Variants in TBC1D2B observed in about 807,000 individuals in gnomAD.
TBC1D2B encodes TBC1 domain family member 2B.
A neutral mutation model predicts 100.8 loss-of-function variants in TBC1D2B; 64 were observed. The observed-to-expected ratio is 0.64, with a 90% confidence interval of 0.52 to 0.78. The LOEUF (loss-of-function observed/expected upper bound fraction) is 0.78. Ranked by LOEUF, TBC1D2B falls within the 30% of genes least tolerant of loss-of-function variation. TBC1D2B has a pLI of 0.00. For missense variants in TBC1D2B, 1,052 were observed against 1,218.4 expected (o/e 0.86, Z 2.03); for synonymous variants, 480 against 479.7 (o/e 1.00, Z -0.01).
At chr15:78,047,162 A>ACTTT (rs2073214229) in intron 2 of TBC1D2B, among the ~76,000 whole-genome samples, 1 of 145,462 alleles carries the variant, frequency 6.9e-6, no homozygotes, top group Non-Finnish European at 1.5e-5. Flanking sequence ...CAGAGTATAC[A>ACTTT]CTTTTTTTTT....
Position 77,996,436 on chromosome 15 carries a change from G to GAT in TBC1D2B, c.*1723_*1724insAT, listed in dbSNP as rs1555416270. ...CACGATGGGCTGAGGGGTGGGGGGG[G>GAT]TTCCAACACTTGATTCGAGCAGACT... On this transcript the variant is annotated 3_prime_UTR_variant, in exon 13 of 13. Transcript: ENST00000300584. The GAT allele has an allele frequency of 6.7e-6, 1 of 150,256 alleles. No individual in the cohort carries two copies. Among genetic ancestry groups the GAT allele is most frequent in the Non-Finnish European group, 1.5e-5 (1 of 67,296 alleles). The allele number at this position is 150,256 out of a possible 1,614,324, so 9.3% of individuals were successfully genotyped here. A position where few individuals can be genotyped will look rare whatever the true frequency, so the allele number is the denominator to read the frequency against.
rs116673968 is a variant in TBC1D2B at position 78,035,951 on chromosome 15, C to T, written c.684-5781G>A. On this transcript the variant is annotated intron_variant, in intron 3 of 12. Transcript: ENST00000300584. ...GGTGGCCCTACACTCTCCACCACTG[C>T]TGACCCCTCCTGACCCATCTGCTGG... 7.9e-3 allele frequency among the ~76,000 whole-genome samples: 1,205 copies of T among 152,344 alleles called. 19 individuals are homozygous for T. Among genetic ancestry groups the T allele is most frequent in the African/African-American group, 0.027 (1,134 of 41,568 alleles).
At chr15:78,001,544 G>A in intron 12 of TBC1D2B, 75 bp downstream of exon 12, 1 of 1,499,444 alleles carries the variant, frequency 6.7e-7, no homozygotes, top group South Asian at 1.3e-5. Flanking sequence ...AAGACAGCAA[G>A]GACAGGCTGC....
Position 77,998,282 on chromosome 15 carries a change from G to C in TBC1D2B, c.2770C>G (p.His924Asp). The C allele has an allele frequency of 6.2e-7, 1 of 1,605,284 alleles. No individual in the cohort carries two copies. The highest frequency in any genetic ancestry group is 8.5e-7 in the Non-Finnish European group (1 of 1,176,450). ...AGCTCCAGCCGGACTTTCTCCAAGT[G>C]GTAGGCGCGTCGGTTCCGGATCTGG... Reference protein sequence around the residue: ...LRQIRNRRAYHLEKVRLELTE... With the variant: ...LRQIRNRRAYDLEKVRLELTE... Residue 924 changes from histidine to aspartate, a missense_variant, in exon 13 of 13, where the codon CAC becomes GAC. His to Asp is a moderately conservative substitution (Grantham distance 81). Transcript: ENST00000300584.
At chr15:78,001,313 C>T (rs1435693421) in intron 12 of TBC1D2B, among the ~76,000 whole-genome samples, 1 of 152,230 alleles carries the variant, frequency 6.6e-6, no homozygotes, top group African/African-American at 2.4e-5. Flanking sequence ...CCTCAGTGCC[C>T]AGCACAGACC....
intron 1 of TBC1D2B, chr15:78,066,017 A>C: frequency 2.1e-6 from 1 of 471,016 alleles, no homozygotes; most frequent in Non-Finnish European, 4.4e-6. Flanking sequence ...GGGATCTGAA[A>C]GTACTTACCA....
chr15:78,052,280 T>A (rs549787859), intron 2 of TBC1D2B, among the ~76,000 whole-genome samples: 1 of 152,300 alleles, frequency 6.6e-6, no homozygotes, highest in East Asian at 1.9e-4. Context: ...AGGCCCTAAC[T>A]GCCAGAAACT....
Position 78,016,620 on chromosome 15 carries a change from C to G in TBC1D2B, c.1701G>C (p.Gln567His). 1 of 1,613,130 alleles carries G rather than the reference C, an allele frequency of 6.2e-7. No homozygotes were observed. Among genetic ancestry groups the G allele is most frequent in the Non-Finnish European group, 8.5e-7 (1 of 1,179,538 alleles). The change falls in exon 8 of 13, where the codon CAG becomes CAC. Residue 567 changes from glutamine to histidine, a missense_variant. Physicochemically the swap from Gln to His is conservative, Grantham distance 24. Coordinates refer to ENST00000300584, the MANE Select transcript of TBC1D2B (RefSeq NM_144572.2). The stretch of plus-strand genomic sequence containing the variant: ...CAACCTGCAGAGCATCCTCCAGCAA[C>G]TGGGCTATGACCTCCCGGGTGGGCC... ...DQGPTREVIA[Q>H]LLEDALQVES...
Position 78,077,563 on chromosome 15 carries a change from C to T in TBC1D2B, c.90G>A (p.Pro30=), listed in dbSNP as rs2141859017. ...QGAAAEPGAG[P]AREPARLCGY... Reference sequence around the variant, plus strand: ...CACACAGCCGCGCTGGCTCCCGCGCCGGACCCGCCCCGGGCTCCGCGGCCG... The same window carrying T: ...CACACAGCCGCGCTGGCTCCCGCGCTGGACCCGCCCCGGGCTCCGCGGCCG... The change falls in exon 1 of 13, where the codon CCG becomes CCA. Residue 30 remains proline, a synonymous_variant. Transcript: ENST00000300584. The T allele has an allele frequency of 6.9e-7, 1 of 1,440,440 alleles. No individual in the cohort carries two copies. The highest frequency in any genetic ancestry group is 9.2e-7 in the Non-Finnish European group (1 of 1,092,754). 89.2% of individuals were successfully genotyped at this position (1,440,440 alleles called of 1,614,324 possible).
rs987166094 is a variant in TBC1D2B, at chr15:78,000,744, T to C, written c.2696+875A>G. Among the ~76,000 whole-genome samples, 6 of 152,328 alleles carry C rather than the reference T, an allele frequency of 3.9e-5. No individual in the cohort carries two copies. In the South Asian group the frequency reaches 6.2e-4, roughly 16 times the overall value. On this transcript the variant is annotated intron_variant, in intron 12 of 12. Coordinates refer to ENST00000300584, the MANE Select transcript of TBC1D2B (RefSeq NM_144572.2). Reference sequence around the variant, plus strand: ...AGTCCAGGGGACATACAGACGAGGATGGCCCAGAACAGGCAATGACTGTGT... The same window carrying C: ...AGTCCAGGGGACATACAGACGAGGACGGCCCAGAACAGGCAATGACTGTGT...
rs770799259 is a variant in TBC1D2B, at chr15:78,003,314, T to C, written c.2565A>G (p.Glu855=). The C allele has an allele frequency of 1.9e-6, 3 of 1,613,446 alleles. No homozygotes were observed. The South Asian group carries it at 3.3e-5, about 18-fold the overall frequency. ...AGCTGAGCTAACTCACCTTTGGTCC[T>C]TCATAAAGGAAAGAGTCCCATATTT... ...LFKIWDSFLY[E]GPKVIFRFAL... The change falls in exon 11 of 13, where the codon GAA becomes GAG. Residue 855 remains glutamate (E), a synonymous_variant. Transcript: ENST00000300584.
At chr15:78,072,807 G>T (rs1057035867) in intron 1 of TBC1D2B, among the ~76,000 whole-genome samples, 1 of 152,132 alleles carries the variant, frequency 6.6e-6, no homozygotes, top group East Asian at 1.9e-4. Flanking sequence ...TTCCAGTAAA[G>T]CTCTGTGAGA....
Position 78,017,900 on chromosome 15 carries a change from G to A in TBC1D2B, c.1528C>T (p.Leu510Phe). 6.2e-7 allele frequency: 1 copy of A among 1,611,672 alleles called. No homozygotes were observed. Among genetic ancestry groups the A allele is most frequent in the Non-Finnish European group, 8.5e-7 (1 of 1,178,914 alleles). Residue 510 changes from leucine to phenylalanine, a missense_variant, in exon 7 of 13, where the codon CTC (leucine) becomes TTC (phenylalanine). Coordinates refer to ENST00000300584, the MANE Select transcript of TBC1D2B (RefSeq NM_144572.2). ...NKFLNKEILELSALRRNAERR... is the reference protein window; with the variant it reads ...NKFLNKEILEFSALRRNAERR... ...TCTGCATTTCTTCGTAGAGCTGAGAGTTCCAAAATCTCCTTATTTAGAAAT... is the reference window on the plus strand; with the variant it reads ...TCTGCATTTCTTCGTAGAGCTGAGAATTCCAAAATCTCCTTATTTAGAAAT...
At chr15:78,049,360 G>A (rs2073264474) in intron 2 of TBC1D2B, among the ~76,000 whole-genome samples, 1 of 152,196 alleles carries the variant, frequency 6.6e-6, no homozygotes, top group South Asian at 2.1e-4. Context: ...TTGGTTAAAT[G>A]ACCAAATTAA....
chr15:78,054,302 A>G, intron 1 of TBC1D2B, 115 bp from the exon 2 acceptor site: 1 of 1,085,150 alleles, frequency 9.2e-7, no homozygotes, highest in East Asian at 3.0e-5. Context: ...TAAGATGAAC[A>G]GATCAAGGAA....
chr15:78,066,870 A>G (rs1567035512), intron 1 of TBC1D2B, among the ~76,000 whole-genome samples: 2 of 152,188 alleles, frequency 1.3e-5, no homozygotes, highest in East Asian at 3.8e-4. Context: ...CCAGGCCTCA[A>G]TCTCTGCCAG....
At chr15:78,062,916 A>G (rs1324674026) in intron 1 of TBC1D2B, among the ~76,000 whole-genome samples, 1 of 152,158 alleles carries the variant, frequency 6.6e-6, no homozygotes, top group Non-Finnish European at 1.5e-5. Flanking sequence ...TTCAAATCCC[A>G]GCTCTGCTAC....
chr15:78,072,091 A>T (rs1025735434), intron 1 of TBC1D2B, among the ~76,000 whole-genome samples: 2 of 152,198 alleles, frequency 1.3e-5, no homozygotes, highest in Non-Finnish European at 2.9e-5. Context: ...CCACCTCTAA[A>T]TATCATCACA....
intron 10 of TBC1D2B, among the ~76,000 whole-genome samples, chr15:78,006,436 G>C (rs1371471975): frequency 6.6e-6 from 1 of 152,202 alleles, no homozygotes; most frequent in Non-Finnish European, 1.5e-5. Flanking sequence ...ATCACAGGGA[G>C]ACCAGATGAG....
Sources: allele counts gnomAD v4.1 joint callset (sites outside exome capture counted in the v4.1 genomes callset), GRCh38; gene constraint gnomAD v4.1.1; transcripts MANE v1.5; gene names NCBI Gene and HGNC (gene_info 2026-07-23, HGNC 2026-07-21).